Variants in MARK3 observed in about 807,000 individuals in gnomAD.
MARK3 encodes the protein microtubule affinity regulating kinase 3.
Under a neutral mutation model 90.1 loss-of-function variants are expected in MARK3, and 46 were observed. That is an observed-to-expected ratio of 0.51 (90% CI 0.40 to 0.65). The LOEUF is 0.65. Among genes scored for constraint, MARK3 ranks in the 30% least tolerant of loss-of-function variants. MARK3 has a pLI of 0.00. For synonymous variants in MARK3, 321 were observed against 332.6 expected (o/e 0.97, Z 0.38); for missense variants, 818 against 947.2 (o/e 0.86, Z 1.79).
intron 1 of MARK3, among the ~76,000 whole-genome samples, chr14:103,401,819 AAGG>A (rs1376735551): frequency 6.6e-6 from 1 of 152,222 alleles, no homozygotes; most frequent in Non-Finnish European, 1.5e-5. Context: ...GGATCCCAGT[AAGG>A]AGAAGTAAGA....
chr14:103,480,194 G>A (rs957971873), intron 13 of MARK3, among the ~76,000 whole-genome samples, 193 bp from the exon 14 acceptor site: 2 of 152,178 alleles, frequency 1.3e-5, no homozygotes, highest in South Asian at 2.1e-4. Context: ...GCTGTGGTGG[G>A]AGGATTGCTT....
chr14:103,461,069 A>G (rs147256740), intron 6 of MARK3, among the ~76,000 whole-genome samples: 269 of 152,326 alleles, frequency 1.8e-3, no homozygotes, highest in African/African-American at 6.1e-3. Context: ...GAACCAAAAT[A>G]TTATACAGCC....
At chr14:103,418,272 C>T (rs2140926688) in intron 2 of MARK3, among the ~76,000 whole-genome samples, 1 of 124,620 alleles carries the variant, frequency 8.0e-6, no homozygotes, top group South Asian at 2.5e-4. Flanking sequence ...TTTTTGTTCC[C>T]TGCATTGCTT....
intron 12 of MARK3, among the ~76,000 whole-genome samples, chr14:103,472,380 G>A (rs1228851005): frequency 1.3e-5 from 2 of 150,928 alleles, no homozygotes; most frequent in Admixed American, 6.6e-5. Context: ...ATTTCTGGCC[G>A]GTCGCATAAT....
rs146203506 is a variant in MARK3, at chr14:103,399,556, G to A, written c.52-5520G>A. Among the ~76,000 whole-genome samples, 785 of 151,970 alleles carry A rather than the reference G, an allele frequency of 5.2e-3. 1 individual carries two copies. The highest frequency in any genetic ancestry group is 0.01 in the African/African-American group (419 of 41,426). On this transcript the variant is annotated intron_variant, in intron 1 of 17. Transcript: ENST00000429436. ...ACTAAAAATACGAAAAAAATTAGCC[G>A]GGCACGGTGGCGGGTACCTGTAGTC... is the stretch of plus-strand genomic sequence containing the variant.
intron 4 of MARK3, 60 bp from the exon 5 acceptor site, chr14:103,451,858 C>T (rs2093154051): frequency 1.7e-6 from 2 of 1,176,882 alleles, no homozygotes; most frequent in African/African-American, 3.1e-5. Flanking sequence ...TTTATATGTG[C>T]ATGGTTTGTG....
chr14:103,470,427 A>G lies in MARK3; in HGVS notation c.1264+2241A>G, dbSNP rs114006589. On this transcript the variant is annotated intron_variant, in intron 12 of 17. Transcript: ENST00000429436. The stretch of plus-strand genomic sequence containing the variant: ...CATTGCAGATATTTCCTTTAATTCT[A>G]CTATTCCAGGATTCAGGAACTAAAT... Among the ~76,000 whole-genome samples, 97 of 135,960 alleles carry G rather than the reference A, an allele frequency of 7.1e-4. 1 individual carries two copies. Among genetic ancestry groups the G allele is most frequent in the African/African-American group, 2.4e-3 (88 of 37,102 alleles). 89.2% of individuals were successfully genotyped at this position (135,960 alleles called of 152,430 possible). A position where few individuals can be genotyped will look rare whatever the true frequency, so the allele number is the denominator to read the frequency against.
rs2093541416 is a variant in MARK3, at chr14:103,467,711, A to G, written c.1111-322A>G. On this transcript the variant is annotated intron_variant, in intron 11 of 17. Transcript: ENST00000429436. ...AAAAAAAAAAAAGATGGATGTTGTCATAAACCTGGTCTTTCATAAATTAAC... is the reference window on the plus strand; with the variant it reads ...AAAAAAAAAAAAGATGGATGTTGTCGTAAACCTGGTCTTTCATAAATTAAC... 2.5e-5 allele frequency: 4 copies of G among 160,608 alleles called. No individual in the cohort carries two copies. The South Asian group carries it at 6.0e-4, about 24-fold the overall frequency. 9.9% of individuals were successfully genotyped at this position (160,608 alleles called of 1,614,324 possible).
At chr14:103,433,864 C>T (rs1246771813) in intron 3 of MARK3, among the ~76,000 whole-genome samples, 1 of 152,020 alleles carries the variant, frequency 6.6e-6, no homozygotes, top group Non-Finnish European at 1.5e-5. Context: ...GAGTTTAGTC[C>T]CAAACAATGG....
intron 12 of MARK3, among the ~76,000 whole-genome samples, chr14:103,470,453 C>CAATTTTTTT (rs1299534465): frequency 4.1e-5 from 1 of 24,186 alleles, no homozygotes; most frequent in Non-Finnish European, 8.3e-5. Context: ...GGAACTAAAT[C>CAATTTTTTT]TATTTTTTTT....
chr14:103,421,044 T>G (rs2092197665), intron 2 of MARK3, among the ~76,000 whole-genome samples: 1 of 152,198 alleles, frequency 6.6e-6, no homozygotes, highest in African/African-American at 2.4e-5. Flanking sequence ...GTAAGGCACA[T>G]CATAGCCTTG....
At chr14:103,426,798 T>C (rs974597758) in intron 2 of MARK3, among the ~76,000 whole-genome samples, 4 of 152,128 alleles carry the variant, frequency 2.6e-5, no homozygotes, top group African/African-American at 9.7e-5. Flanking sequence ...GTGACCCTGC[T>C]GTTGCCGCTC....
intron 1 of MARK3, among the ~76,000 whole-genome samples, chr14:103,387,681 C>T (rs529016288): frequency 5.3e-5 from 8 of 151,168 alleles, no homozygotes; most frequent in African/African-American, 1.2e-4. Context: ...TTAGTAGAGA[C>T]AGGGTTTCAC....
intron 12 of MARK3, among the ~76,000 whole-genome samples, chr14:103,469,650 A>C (rs536986260): frequency 6.6e-6 from 1 of 151,890 alleles, no homozygotes; most frequent in East Asian, 2.0e-4. Flanking sequence ...ACGGGATTTC[A>C]CCATGTTGGC....
At chr14:103,401,619 G>T (rs2090971281) in intron 1 of MARK3, among the ~76,000 whole-genome samples, 1 of 152,184 alleles carries the variant, frequency 6.6e-6, no homozygotes, top group Non-Finnish European at 1.5e-5. Flanking sequence ...AAATGCTTCA[G>T]CATGGGAATG....
intron 15 of MARK3, among the ~76,000 whole-genome samples, chr14:103,492,811 A>G (rs546914362): frequency 6.6e-6 from 1 of 152,258 alleles, no homozygotes; most frequent in African/African-American, 2.4e-5. Context: ...CTGCTTCAAG[A>G]GGAAAAAGAA....
chr14:103,397,935 C>T (rs1364829811), intron 1 of MARK3, among the ~76,000 whole-genome samples: 2 of 152,194 alleles, frequency 1.3e-5, no homozygotes, highest in South Asian at 2.1e-4. Flanking sequence ...TTACCCTCCA[C>T]CCCACGTTAC....
chr14:103,422,737 G>A (rs926843797), intron 2 of MARK3, among the ~76,000 whole-genome samples: 1 of 152,130 alleles, frequency 6.6e-6, no homozygotes, highest in East Asian at 1.9e-4. Flanking sequence ...TAATAATAGT[G>A]TATTATTTTG....
chr14:103,397,859 C>T (rs2140532098), intron 1 of MARK3, among the ~76,000 whole-genome samples: 1 of 152,230 alleles, frequency 6.6e-6, no homozygotes, highest in East Asian at 1.9e-4. Context: ...GTCACATTAT[C>T]TTTGATCCAT....
Sources: gnomAD v4.1 joint callset for allele counts (sites outside exome capture counted in the v4.1 genomes callset) on GRCh38, gnomAD v4.1.1 for gene constraint, MANE v1.5 for transcripts, NCBI Gene and HGNC (gene_info 2026-07-23, HGNC 2026-07-21) for gene names.